The following SIM1 variants were observed in gnomAD, a reference collection of about 807,000 sequenced individuals.
SIM1 encodes single-minded homolog 1.
Under a neutral mutation model 78.2 loss-of-function variants are expected in SIM1, and 18 were observed. The observed-to-expected ratio is 0.23, with a 90% CI of 0.16 to 0.34. The LOEUF is 0.34. Ranked by LOEUF, SIM1 falls within the 10% of genes least tolerant of loss-of-function variation. The pLI, the probability that SIM1 is intolerant of heterozygous loss-of-function variation, is 1.00. For missense variants in SIM1, 939 were observed against 975.1 expected (o/e 0.96, Z 0.49); for synonymous variants, 417 against 385.2 (o/e 1.08, Z -0.97).
chr6:100,412,775 G>A (rs1771292434), intron 10 of SIM1, among the ~76,000 whole-genome samples: 1 of 150,774 alleles, frequency 6.6e-6, no homozygotes, highest in Admixed American at 6.6e-5. Context: ...AAAAGAAAGG[G>A]AGAAAGAGAG....
chr6:100,396,432 C>T (rs1210011796), intron 10 of SIM1, among the ~76,000 whole-genome samples: 4 of 152,102 alleles, frequency 2.6e-5, no homozygotes, highest in African/African-American at 9.7e-5. Context: ...GTCCTTCAAT[C>T]ACAATGAAAA....
At chr6:100,452,774 T>C (rs1447092056) in intron 3 of SIM1, among the ~76,000 whole-genome samples, 1 of 152,148 alleles carries the variant, frequency 6.6e-6, no homozygotes, top group African/African-American at 2.4e-5. Flanking sequence ...TCTAGATAAA[T>C]TCAAAGGTGT....
intron 6 of SIM1, 131 bp downstream of exon 6, chr6:100,449,232 G>A: frequency 1.4e-6 from 1 of 701,552 alleles, no homozygotes; most frequent in East Asian, 2.7e-5. Context: ...GTCCTGGCCT[G>A]CGGCTCTTCG....
In SIM1 at chr6:100,393,728, G is replaced by C. The variant is rs757203184; in HGVS notation, c.1329C>G (p.Ser443Arg). The change falls in exon 11 of 12, where the codon AGC becomes AGG. Residue 443 changes from serine to arginine, a missense_variant. Coordinates refer to ENST00000369208, the MANE Select transcript of SIM1 (RefSeq NM_005068.3). ...SCAYRQFSDR[S>R]SLCYGFALDH... ...CAAGCGCAAAGCCATAGCAGAGAGAGCTGCGGTCCGAAAACTGTCTGTAGG... is the reference window on the plus strand; with the variant it reads ...CAAGCGCAAAGCCATAGCAGAGAGACCTGCGGTCCGAAAACTGTCTGTAGG... 2 of 1,614,244 alleles carry C rather than the reference G, an allele frequency of 1.2e-6. No homozygotes were observed. The highest frequency in any genetic ancestry group is 8.5e-7 in the Non-Finnish European group (1 of 1,180,040).
intron 10 of SIM1, among the ~76,000 whole-genome samples, chr6:100,408,257 T>C (rs1771099928): frequency 6.6e-6 from 1 of 152,078 alleles, no homozygotes; most frequent in African/African-American, 2.4e-5. Context: ...GTTGATCATA[T>C]ATATGTGGGT....
rs886060896 is a variant in SIM1 at position 100,420,832 on chromosome 6, G to A, written c.1125C>T (p.Leu375=). ...TCCTGGATTTTGACTTTGAGCTGGA[G>A]AGCCGGGATTTGGCCCCCTTTCTGT... ...TDNRKGAKSR[L]SSSKSKSRTS... The change falls in exon 10 of 12, where the codon CTC becomes CTT. Residue 375 remains leucine, a synonymous_variant. Coordinates refer to ENST00000369208, the MANE Select transcript of SIM1 (RefSeq NM_005068.3). The A allele has an allele frequency of 6.8e-6, 11 of 1,614,134 alleles. No homozygotes were observed. The highest frequency in any genetic ancestry group is 9.3e-6 in the Non-Finnish European group (11 of 1,180,022).
rs1213785207 is a variant in SIM1, at chr6:100,412,577, AAG to A, written c.1167+8211_1167+8212del. On this transcript the variant is annotated intron_variant, in intron 10 of 11. Transcript: ENST00000369208. ...AAGAAAAGAAAGAAAGAAAGAAAGAAAGAAAGAAAGAAAGAAAGAAAGAAAGA... is the reference window on the plus strand; with the variant it reads ...AAGAAAAGAAAGAAAGAAAGAAAGAAAAAGAAAGAAAGAAAGAAAGAAAGA... Among the ~76,000 whole-genome samples, 37 of 112,610 alleles carry A rather than the reference AAG, an allele frequency of 3.3e-4. 4 individuals carry two copies. Among genetic ancestry groups the A allele is most frequent in the African/African-American group, 1.1e-3 (35 of 31,728 alleles). 73.9% of individuals were successfully genotyped at this position (112,610 alleles called of 152,430 possible).
chr6:100,413,771 A>G (rs954393715), intron 10 of SIM1, among the ~76,000 whole-genome samples: 1 of 152,220 alleles, frequency 6.6e-6, no homozygotes, highest in African/African-American at 2.4e-5. Flanking sequence ...TATCTATTTT[A>G]TACTGTTGTG....
rs1448670085 is a variant in SIM1 at position 100,387,763 on chromosome 6, T to G, written c.*2598A>C. The G allele has an allele frequency of 6.6e-6, 1 of 152,154 alleles. No individual in the cohort carries two copies. The highest frequency in any genetic ancestry group is 2.4e-5 in the African/African-American group (1 of 41,460). The allele number at this position is 152,154 out of a possible 1,614,324, so 9.4% of individuals were successfully genotyped here. ...ATTATTCCTTCTGATTACTCTCATC[T>G]GTGAAATTCATAATTTCTTCTTCTC... On this transcript the variant is annotated 3_prime_UTR_variant, in exon 12 of 12. Transcript: ENST00000369208.
rs771855990 is a variant in SIM1 at position 100,390,986 on chromosome 6, T to C, written c.1676A>G (p.His559Arg). ...AAGAGTTTCAATTTTGCTGGGTTCA[T>C]GTGGGCTACTTTGATACTGCTCAGT... ...YRTEQYQSSP[H>R]EPSKIETLIR... Residue 559 changes from histidine (H) to arginine (R), a missense_variant, in exon 12 of 12, where the codon CAT (histidine) becomes CGT (arginine). By Grantham distance (29) the His-to-Arg change is conservative. Around this residue, in one of 5 missense-constraint regions of SIM1, gnomAD observed 556 missense variants for 521.9 expected, o/e 1.07. Transcript: ENST00000369208. 7 of 1,614,060 alleles carry C rather than the reference T, an allele frequency of 4.3e-6. No homozygotes were observed. Among genetic ancestry groups the C allele is most frequent in the Non-Finnish European group, 5.9e-6 (7 of 1,180,038 alleles).
chr6:100,446,281 A>G (rs909130456), intron 9 of SIM1, among the ~76,000 whole-genome samples: 3 of 152,202 alleles, frequency 2.0e-5, no homozygotes, highest in Non-Finnish European at 2.9e-5. Context: ...GATTCCAAAT[A>G]GCACCCCTTC....
chr6:100,397,358 T>A (rs1226810910), intron 10 of SIM1, among the ~76,000 whole-genome samples: 4 of 152,166 alleles, frequency 2.6e-5, no homozygotes, highest in Non-Finnish European at 5.9e-5. Flanking sequence ...TCAGCATTAC[T>A]TGGAGGCGGA....
chr6:100,455,181 C>T (rs923289200), intron 2 of SIM1, among the ~76,000 whole-genome samples: 7 of 152,294 alleles, frequency 4.6e-5, no homozygotes, highest in Non-Finnish European at 7.4e-5. Context: ...CGTGAGCGCC[C>T]CTTAAGCTCA....
chr6:100,417,267 C>A (rs1052368975), intron 10 of SIM1, among the ~76,000 whole-genome samples: 2 of 152,166 alleles, frequency 1.3e-5, no homozygotes, highest in African/African-American at 2.4e-5. Flanking sequence ...ATTGCTTACA[C>A]CACCAGCAAT....
At chr6:100,439,590 A>G (rs981222252) in intron 9 of SIM1, among the ~76,000 whole-genome samples, 3 of 152,228 alleles carry the variant, frequency 2.0e-5, no homozygotes, top group Non-Finnish European at 4.4e-5. Flanking sequence ...ACACTGGTAT[A>G]CAGCCACACT....
chr6:100,403,453 A>G lies in SIM1; in HGVS notation c.1168-9564T>C. Among the ~76,000 whole-genome samples the G allele has an allele frequency of 1.3e-5, 2 of 152,228 alleles. 1 individual carries two copies. Among genetic ancestry groups the G allele is most frequent in the Non-Finnish European group, 2.9e-5 (2 of 68,042 alleles). On this transcript the variant is annotated intron_variant, in intron 10 of 11. Transcript: ENST00000369208. Reference sequence around the variant, plus strand: ...GATCTATTTACAAAAATTCATTCTAACATTCATTCTAATATTTATTAAGTG... The same window carrying G: ...GATCTATTTACAAAAATTCATTCTAGCATTCATTCTAATATTTATTAAGTG...
chr6:100,448,941 G>C (rs1772437450), intron 6 of SIM1, among the ~76,000 whole-genome samples: 1 of 152,164 alleles, frequency 6.6e-6, no homozygotes, highest in African/African-American at 2.4e-5. Flanking sequence ...TAGCGAAGTA[G>C]GTCCCTGAAA....
chr6:100,458,006 T>TTCTCTCTC (rs71028024), intron 2 of SIM1, among the ~76,000 whole-genome samples: 9 of 90,304 alleles, frequency 1.0e-4, no homozygotes, highest in South Asian at 4.9e-4. Flanking sequence ...GTCTCTCTCT[T>TTCTCTCTC]TCTCTCTCTC....
intron 9 of SIM1, among the ~76,000 whole-genome samples, chr6:100,425,885 CTT>C (rs1409467666): frequency 2.0e-5 from 3 of 152,194 alleles, no homozygotes; most frequent in African/African-American, 7.2e-5. Context: ...AACTTAGACT[CTT>C]AAATCAGTGT....
Sources: allele counts gnomAD v4.1 joint callset (sites outside exome capture counted in the v4.1 genomes callset), GRCh38; gene constraint gnomAD v4.1.1; regional missense constraint gnomAD v4.1.1; transcripts MANE v1.5; gene names NCBI Gene and HGNC (gene_info 2026-07-23, HGNC 2026-07-21).